HS6ST3: variants seen among roughly 807,000 people sequenced by gnomAD.
HS6ST3 encodes the protein heparan-sulfate 6-O-sulfotransferase 3.
In HS6ST3, 12 loss-of-function variants were observed where a neutral mutation model predicts 36.7. The observed-to-expected ratio is 0.33, with a 90% confidence interval of 0.21 to 0.53. The LOEUF is 0.53. Among genes scored for constraint, HS6ST3 ranks in the 20% least tolerant of loss-of-function variants. The probability of loss-of-function intolerance (pLI) is 0.95; values close to 1 mark genes in which losing one functional copy is unlikely to be tolerated. For missense variants in HS6ST3, 584 were observed against 640.9 expected (o/e 0.91, Z 0.96); for synonymous variants, 240 against 257.5 (o/e 0.93, Z 0.65).
At chr13:96,108,187 A>C (rs778722855) in intron 1 of HS6ST3, among the ~76,000 whole-genome samples, 4 of 152,122 alleles carry the variant, frequency 2.6e-5, no homozygotes, top group Non-Finnish European at 5.9e-5. Flanking sequence ...TCCCAGGGGG[A>C]GGCCTCAAAA....
intron 1 of HS6ST3, among the ~76,000 whole-genome samples, chr13:96,486,193 C>T (rs1217332317): frequency 6.6e-6 from 1 of 152,086 alleles, no homozygotes; most frequent in Non-Finnish European, 1.5e-5. Context: ...AGGACATGAA[C>T]TCATCATTTT....
intron 1 of HS6ST3, among the ~76,000 whole-genome samples, chr13:96,358,391 T>C (rs2055220449): frequency 6.6e-6 from 1 of 152,182 alleles, no homozygotes; most frequent in African/African-American, 2.4e-5. Flanking sequence ...AGTCTATGAC[T>C]CCAGATTTGA....
intron 1 of HS6ST3, among the ~76,000 whole-genome samples, chr13:96,265,008 T>C (rs1462225517): frequency 6.6e-6 from 1 of 152,170 alleles, no homozygotes; most frequent in African/African-American, 2.4e-5. Context: ...GACATTGTGG[T>C]ACTGGGTAGG....
chr13:96,091,218 C>G lies in HS6ST3; in HGVS notation c.356C>G (p.Ser119Cys), dbSNP rs539388986. Residue 119 changes from serine (S) to cysteine (C), a missense_variant, in exon 1 of 2, where the codon TCC becomes TGC. Transcript: ENST00000376705. ...GACCCCGAGGCCCCGGAAAACGGCTCCCTGCCCCGATTCGTGCCGCGCTTC... is the reference window on the plus strand; with the variant it reads ...GACCCCGAGGCCCCGGAAAACGGCTGCCTGCCCCGATTCGTGCCGCGCTTC... ...EPDPEAPENG[S>C]LPRFVPRFNF... The G allele has an allele frequency of 8.3e-6, 13 of 1,574,376 alleles. No homozygotes were observed. In the East Asian group the frequency reaches 2.6e-4, roughly 32 times the overall value.
At chr13:96,207,519 AC>A (rs1315241957) in intron 1 of HS6ST3, among the ~76,000 whole-genome samples, 2 of 152,112 alleles carry the variant, frequency 1.3e-5, no homozygotes, top group African/African-American at 4.8e-5. Context: ...TTATAAAGAT[AC>A]CTGCATGTGT....
intron 1 of HS6ST3, among the ~76,000 whole-genome samples, chr13:96,528,151 T>C (rs1206013407): frequency 6.6e-6 from 1 of 152,230 alleles, no homozygotes; most frequent in Admixed American, 6.5e-5. Context: ...ATACTTCTGC[T>C]GCATACTCAG....
At chr13:96,447,465 C>T (rs1427307965) in intron 1 of HS6ST3, among the ~76,000 whole-genome samples, 2 of 152,182 alleles carry the variant, frequency 1.3e-5, no homozygotes, top group East Asian at 3.8e-4. Context: ...TCTTTTAAAG[C>T]AGCTCCAGAA....
At chr13:96,302,516 A>G (rs1594747569) in intron 1 of HS6ST3, among the ~76,000 whole-genome samples, 1 of 152,194 alleles carries the variant, frequency 6.6e-6, no homozygotes, top group East Asian at 1.9e-4. Context: ...AATTCACAAA[A>G]TTGTATGTGT....
chr13:96,616,155 C>A (rs1427198230), intron 1 of HS6ST3, among the ~76,000 whole-genome samples: 2 of 151,980 alleles, frequency 1.3e-5, no homozygotes, highest in African/African-American at 4.8e-5. Flanking sequence ...GTTAATATTC[C>A]AGATCATATA....
At chr13:96,242,774 A>G (rs969306654) in intron 1 of HS6ST3, among the ~76,000 whole-genome samples, 11 of 152,204 alleles carry the variant, frequency 7.2e-5, no homozygotes, top group Admixed American at 6.5e-4. Context: ...GTGATTCCTA[A>G]AAGATTTAGA....
At chr13:96,707,042 G>T (rs1390741951) in intron 1 of HS6ST3, among the ~76,000 whole-genome samples, 1 of 152,152 alleles carries the variant, frequency 6.6e-6, no homozygotes, top group Non-Finnish European at 1.5e-5. Flanking sequence ...TTGAGTTTAG[G>T]AAATGTGTCT....
At chr13:96,634,458 A>G (rs2056542253) in intron 1 of HS6ST3, among the ~76,000 whole-genome samples, 1 of 152,082 alleles carries the variant, frequency 6.6e-6, no homozygotes, top group Non-Finnish European at 1.5e-5. Context: ...ATAAAGCCTC[A>G]CTCTTCACAT....
intron 1 of HS6ST3, among the ~76,000 whole-genome samples, chr13:96,402,176 G>C (rs961255624): frequency 1.3e-5 from 2 of 152,086 alleles, no homozygotes; most frequent in Non-Finnish European, 2.9e-5. Context: ...AAGATATGTT[G>C]AACTTATTAA....
chr13:96,304,073 G>T (rs530169849), intron 1 of HS6ST3, among the ~76,000 whole-genome samples: 1 of 151,952 alleles, frequency 6.6e-6, no homozygotes, highest in African/African-American at 2.4e-5. Context: ...AACCCGGGAG[G>T]TGGAGGTTGC....
intron 1 of HS6ST3, among the ~76,000 whole-genome samples, chr13:96,690,318 A>T (rs979320906): frequency 2.6e-5 from 4 of 152,132 alleles, no homozygotes; most frequent in African/African-American, 9.7e-5. Flanking sequence ...ATATGCAGAC[A>T]TAATAGACTG....
chr13:96,814,675 T>G (rs778722164), intron 1 of HS6ST3, among the ~76,000 whole-genome samples: 13 of 152,162 alleles, frequency 8.5e-5, no homozygotes, highest in Non-Finnish European at 1.5e-4. Flanking sequence ...TCTCCTTGTC[T>G]CTTACATTAA....
At chr13:96,150,889 CAT>C (rs1225582308) in intron 1 of HS6ST3, among the ~76,000 whole-genome samples, 5 of 152,078 alleles carry the variant, frequency 3.3e-5, no homozygotes, top group South Asian at 2.1e-4. Flanking sequence ...TAATGTATAA[CAT>C]AATATATAAT....
intron 1 of HS6ST3, among the ~76,000 whole-genome samples, chr13:96,268,063 T>G (rs531864495): frequency 6.6e-6 from 1 of 151,974 alleles, no homozygotes; most frequent in Non-Finnish European, 1.5e-5. Context: ...TATAAGGACA[T>G]CAGTCCTGTT....
chr13:96,831,652 G>C (rs1261130119), intron 1 of HS6ST3, among the ~76,000 whole-genome samples: 1 of 152,046 alleles, frequency 6.6e-6, no homozygotes, highest in East Asian at 1.9e-4. Flanking sequence ...CCAAGTAGCA[G>C]TATAAAGAGA....
Sources: allele counts gnomAD v4.1 joint callset (sites outside exome capture counted in the v4.1 genomes callset), GRCh38; gene constraint gnomAD v4.1.1; transcripts MANE v1.5; gene names NCBI Gene and HGNC (gene_info 2026-07-23, HGNC 2026-07-21).